The following IFT57 variants were observed in gnomAD, a reference collection of about 807,000 sequenced individuals.
IFT57 encodes the protein intraflagellar transport protein 57 homolog.
Under a neutral mutation model 56.8 loss-of-function variants are expected in IFT57, and 59 were observed. The ratio of observed to expected loss-of-function variants is 1.04; its 90% CI spans 0.84 to 1.29. The LOEUF is 1.29. Among genes scored for constraint, IFT57 ranks in the 50% most tolerant of loss-of-function variants. The probability of loss-of-function intolerance (pLI) is 0.00; values close to 1 mark genes in which losing one functional copy is unlikely to be tolerated. For synonymous variants in IFT57, 209 were observed against 186.1 expected, an observed-to-expected ratio of 1.12 and a Z score of -1.00; for missense variants, 470 against 522.1, an observed-to-expected ratio of 0.90 and a Z score of 0.97.
chr3:108,200,808 C>T (rs1314125434), intron 5 of IFT57, among the ~76,000 whole-genome samples: 1 of 152,094 alleles, frequency 6.6e-6, no homozygotes. Flanking sequence ...GAAATGCAAG[C>T]TTCTTGATAA....
At chr3:108,186,298 C>A in intron 6 of IFT57, among the ~76,000 whole-genome samples, 1 of 137,382 alleles carries the variant, frequency 7.3e-6, no homozygotes, top group East Asian at 2.1e-4. Context: ...TCAAGGAAAT[C>A]ATGATAGAGA....
intron 5 of IFT57, among the ~76,000 whole-genome samples, chr3:108,205,102 G>C (rs1003171872): frequency 2.0e-5 from 3 of 151,872 alleles, no homozygotes; most frequent in Non-Finnish European, 2.9e-5. Context: ...TACACTATGG[G>C]GAATATTAAA....
At chr3:108,178,582 C>T (rs2080136027) in intron 6 of IFT57, among the ~76,000 whole-genome samples, 2 of 151,744 alleles carry the variant, frequency 1.3e-5, no homozygotes, top group South Asian at 4.2e-4. Context: ...AAGCAGATGG[C>T]CCGATGGCTA....
chr3:108,202,158 C>T lies in IFT57; in HGVS notation c.654+4470G>A, dbSNP rs551527420. On this transcript the variant is annotated intron_variant, in intron 5 of 10. Coordinates refer to ENST00000264538, the MANE Select transcript of IFT57 (RefSeq NM_018010.4). ...TTAAAAATAGAATTCAGAGAGTGCA[C>T]AGCTCCCTCTCCTCTTTTTTTCACT... Among the ~76,000 whole-genome samples the T allele has an allele frequency of 7.9e-5, 12 of 152,270 alleles. No homozygotes were observed. In the South Asian group the frequency reaches 1.7e-3, roughly 21 times the overall value.
At position 108,184,329 on chromosome 3, in the gene IFT57, C is replaced by T. The variant is rs1383814343; in HGVS notation, c.777+7192G>A. On this transcript the variant is annotated intron_variant, in intron 6 of 10. Coordinates refer to ENST00000264538, the MANE Select transcript of IFT57 (RefSeq NM_018010.4). ...AACACTGGTTTCAACTCCATGGGTC[C>T]ACTTATATGCGGATTTTTTTCAATA... Among the ~76,000 whole-genome samples the T allele has an allele frequency of 2.0e-5, 3 of 152,138 alleles. No homozygotes were observed. In the South Asian group the frequency reaches 6.2e-4, roughly 32 times the overall value.
At position 108,162,496 on chromosome 3, in the gene IFT57, G is replaced by A. The variant is rs75763868; in HGVS notation, c.1271C>T (p.Pro424Leu). 22 of 1,601,358 alleles carry A rather than the reference G, an allele frequency of 1.4e-5. No homozygotes were observed. In the East Asian group the frequency reaches 4.9e-4, roughly 36 times the overall value. The change falls in exon 11 of 11, where the codon CCA becomes CTA. Residue 424 changes from proline (P) to leucine (L), a missense_variant. Physicochemically the swap from Pro to Leu is moderately conservative, Grantham distance 98. Coordinates refer to ENST00000264538, the MANE Select transcript of IFT57 (RefSeq NM_018010.4). ...RNMHATVIPE[P>L]ATGFY is the part of the protein sequence containing the mutation. ...TATGTTTTAATAAAAGCCTGTTGCT[G>A]GTTCTGGAATAACTGTGGCATGCAT...
chr3:108,222,247 C>T lies in IFT57; in HGVS notation c.76G>A (p.Gly26Arg). ...GVPRSRGEGT[G>R]EVVLERGPGA... ...GGCCCCCGCTCCAAGACCACTTCCC[C>T]GGTCCCTTCGCCACGGGACCTAGGC... is the stretch of plus-strand genomic sequence containing the variant. The change falls in exon 1 of 11, where the codon GGG (glycine) becomes AGG (arginine). Residue 26 changes from glycine (G) to arginine (R), a missense_variant. Gly to Arg is a moderately radical substitution (Grantham distance 125, BLOSUM62 -2). Coordinates refer to ENST00000264538, the MANE Select transcript of IFT57 (RefSeq NM_018010.4). 1 of 1,614,140 alleles carries T rather than the reference C, an allele frequency of 6.2e-7. No individual in the cohort carries two copies. Among genetic ancestry groups the T allele is most frequent in the African/African-American group, 1.3e-5 (1 of 75,076 alleles).
intron 6 of IFT57, among the ~76,000 whole-genome samples, chr3:108,189,702 C>T (rs1018159245): frequency 6.6e-6 from 1 of 151,964 alleles, no homozygotes; most frequent in Admixed American, 6.6e-5. Context: ...TACAGTTGAC[C>T]CTCGAACAAT....
intron 3 of IFT57, among the ~76,000 whole-genome samples, chr3:108,216,287 CT>C (rs1267878113): frequency 1.2e-4 from 19 of 152,188 alleles, no homozygotes; most frequent in African/African-American, 3.9e-4. Flanking sequence ...AACAAAAAAA[CT>C]AGTCTAATTT....
chr3:108,213,234 T>C (rs1293173295), intron 4 of IFT57, among the ~76,000 whole-genome samples: 1 of 152,192 alleles, frequency 6.6e-6, no homozygotes, highest in African/African-American at 2.4e-5. Context: ...GATATTCAAC[T>C]GTGTGGGGGC....
intron 5 of IFT57, among the ~76,000 whole-genome samples, chr3:108,200,871 CT>C (rs1233097209): frequency 1.3e-5 from 2 of 152,116 alleles, no homozygotes; most frequent in African/African-American, 4.8e-5. Context: ...AATCTAGGGA[CT>C]TTTTGTATTG....
At chr3:108,192,699 T>C (rs1431440763) in intron 5 of IFT57, among the ~76,000 whole-genome samples, 1 of 152,006 alleles carries the variant, frequency 6.6e-6, no homozygotes, top group African/African-American at 2.4e-5. Context: ...TAAACAGACT[T>C]AAAATGTATG....
At chr3:108,211,816 T>C (rs2080343681) in intron 4 of IFT57, among the ~76,000 whole-genome samples, 1 of 152,196 alleles carries the variant, frequency 6.6e-6, no homozygotes, top group Non-Finnish European at 1.5e-5. Context: ...AAAACAATCA[T>C]CCATAATTCT....
At chr3:108,217,106 T>A (rs2080377250) in intron 3 of IFT57, among the ~76,000 whole-genome samples, 1 of 152,158 alleles carries the variant, frequency 6.6e-6, no homozygotes, top group Non-Finnish European at 1.5e-5. Context: ...GGAATTTTCT[T>A]GCCACAATAA....
intron 1 of IFT57, among the ~76,000 whole-genome samples, chr3:108,220,025 G>A (rs1289752): frequency 0.78 from 118,513 of 152,168 alleles, 47,163 homozygotes; most frequent in Non-Finnish European, 0.86. Flanking sequence ...TTCTATGTTG[G>A]CTGCATATTC....
At chr3:108,163,795 T>A in intron 9 of IFT57, 66 bp from the exon 10 acceptor site, 1 of 1,002,212 alleles carries the variant, frequency 1.0e-6, no homozygotes, top group Non-Finnish European at 1.6e-6. Context: ...TTGAATTATG[T>A]GTTAAGAAAA....
chr3:108,171,303 T>C (rs2080090709), intron 6 of IFT57, among the ~76,000 whole-genome samples: 1 of 151,862 alleles, frequency 6.6e-6, no homozygotes, highest in African/African-American at 2.4e-5. Flanking sequence ...CAAGGCCACA[T>C]AGCTATTGGT....
At chr3:108,220,637 T>C (rs142855250) in intron 1 of IFT57, among the ~76,000 whole-genome samples, 27 of 152,312 alleles carry the variant, frequency 1.8e-4, no homozygotes, top group Admixed American at 8.5e-4. Flanking sequence ...TGAACACCAA[T>C]AGATACTGTA....
intron 6 of IFT57, among the ~76,000 whole-genome samples, chr3:108,188,538 T>C (rs752301464): frequency 7.2e-5 from 11 of 152,160 alleles, no homozygotes; most frequent in Non-Finnish European, 1.0e-4. Context: ...CAAAATGATA[T>C]CTACATATTC....
Sources: gnomAD v4.1 joint callset for allele counts (sites outside exome capture counted in the v4.1 genomes callset) on GRCh38, gnomAD v4.1.1 for gene constraint, MANE v1.5 for transcripts, NCBI Gene and HGNC (gene_info 2026-07-23, HGNC 2026-07-21) for gene names.